The following LDB2 variants were observed in gnomAD, a reference collection of about 807,000 sequenced individuals.
The protein encoded by LDB2 is LIM domain-binding protein 2.
A neutral mutation model predicts 44.3 loss-of-function variants in LDB2; 12 were observed. That is an observed-to-expected ratio of 0.27 (90% confidence interval 0.17 to 0.44). The LOEUF is 0.44. Ranked by LOEUF, LDB2 falls within the 20% of genes least tolerant of loss-of-function variation. LDB2 has a pLI of 1.00. For synonymous variants in LDB2, 164 were observed against 174.8 expected (o/e 0.94, Z 0.49); for missense variants, 344 against 473.5 (o/e 0.73, Z 2.54).
chr4:16,708,015 T>C (rs1297086060), intron 2 of LDB2, among the ~76,000 whole-genome samples: 1 of 152,210 alleles, frequency 6.6e-6, no homozygotes, highest in Admixed American at 6.5e-5. Context: ...CACAGTGACC[T>C]TGGATGGCTC....
chr4:16,791,847 A>T (rs1270780597), intron 1 of LDB2, among the ~76,000 whole-genome samples: 1 of 152,218 alleles, frequency 6.6e-6, no homozygotes, highest in East Asian at 1.9e-4. Context: ...CAGAAACAAG[A>T]TAACTTCTGT....
chr4:16,699,708 C>G (rs565797617), intron 2 of LDB2, among the ~76,000 whole-genome samples: 23 of 151,980 alleles, frequency 1.5e-4, no homozygotes, highest in Admixed American at 1.1e-3. Flanking sequence ...AAGAAAATGC[C>G]AAAGATAGAT....
At chr4:16,864,147 A>C (rs1039587002) in intron 1 of LDB2, among the ~76,000 whole-genome samples, 3 of 152,176 alleles carry the variant, frequency 2.0e-5, no homozygotes, top group Non-Finnish European at 2.9e-5. Context: ...ACCTGCAGCA[A>C]AAACCCTTTA....
At chr4:16,691,010 A>G (rs1390030265) in intron 2 of LDB2, among the ~76,000 whole-genome samples, 1 of 152,152 alleles carries the variant, frequency 6.6e-6, no homozygotes, top group East Asian at 1.9e-4. Context: ...TTAATCATCT[A>G]TTATAGTCCA....
intron 5 of LDB2, among the ~76,000 whole-genome samples, chr4:16,523,441 A>C (rs1727027376): frequency 6.6e-6 from 1 of 152,176 alleles, no homozygotes; most frequent in South Asian, 2.1e-4. Flanking sequence ...GAAATACTTT[A>C]TGGCCTCTCT....
chr4:16,561,704 A>G (rs574759656), intron 5 of LDB2, among the ~76,000 whole-genome samples: 7 of 152,182 alleles, frequency 4.6e-5, no homozygotes. Context: ...TCTTCACAGA[A>G]TTGGAAAAAA....
intron 5 of LDB2, among the ~76,000 whole-genome samples, chr4:16,519,776 ACTT>A (rs1725283505): frequency 6.6e-6 from 1 of 151,750 alleles, no homozygotes; most frequent in South Asian, 2.1e-4. Context: ...GGATAATACT[ACTT>A]ATCTCTGACA....
intron 1 of LDB2, among the ~76,000 whole-genome samples, chr4:16,842,905 T>C (rs529198707): frequency 4.6e-5 from 7 of 152,322 alleles, no homozygotes; most frequent in African/African-American, 1.7e-4. Flanking sequence ...TGAGTAAATG[T>C]ATATTAAGCT....
chr4:16,877,019 A>G (rs1189867980), intron 1 of LDB2, among the ~76,000 whole-genome samples: 1 of 151,986 alleles, frequency 6.6e-6, no homozygotes, highest in African/African-American at 2.4e-5. Flanking sequence ...ACAATCATCG[A>G]GTCTCAGACT....
chr4:16,529,232 C>T (rs1238585300), intron 5 of LDB2, among the ~76,000 whole-genome samples: 1 of 152,118 alleles, frequency 6.6e-6, no homozygotes, highest in East Asian at 1.9e-4. Flanking sequence ...GGGCCCCAGA[C>T]CGAATCAATT....
intron 5 of LDB2, among the ~76,000 whole-genome samples, chr4:16,545,977 A>T (rs964646672): frequency 6.6e-6 from 1 of 152,242 alleles, no homozygotes; most frequent in Non-Finnish European, 1.5e-5. Context: ...AATAATTGCA[A>T]CAGGGTAAGT....
chr4:16,638,511 T>C (rs2152505500), intron 2 of LDB2, among the ~76,000 whole-genome samples: 1 of 152,290 alleles, frequency 6.6e-6, no homozygotes, highest in East Asian at 1.9e-4. Context: ...GGAATGAATA[T>C]CTCAAGCAAA....
At chr4:16,812,985 G>C (rs908523191) in intron 1 of LDB2, among the ~76,000 whole-genome samples, 12 of 151,750 alleles carry the variant, frequency 7.9e-5, no homozygotes, top group African/African-American at 2.7e-4. Context: ...AAGCAGGCGT[G>C]CCTCAGTTTA....
At chr4:16,746,045 G>C (rs1764319133) in intron 2 of LDB2, among the ~76,000 whole-genome samples, 2 of 152,092 alleles carry the variant, frequency 1.3e-5, no homozygotes, top group African/African-American at 2.4e-5. Flanking sequence ...TCCCAGGTTT[G>C]TACTGATGAT....
At chr4:16,746,347 C>T (rs73241040) in intron 2 of LDB2, among the ~76,000 whole-genome samples, 11,838 of 152,254 alleles carry the variant, frequency 0.078, 732 homozygotes, top group East Asian at 0.38. Context: ...TATAATATCA[C>T]AGCAAGAAGT....
chr4:16,583,258 T>A (rs975538414), intron 5 of LDB2, among the ~76,000 whole-genome samples: 16 of 152,242 alleles, frequency 1.1e-4, no homozygotes, highest in African/African-American at 3.6e-4. Context: ...ACACTGCATA[T>A]TGAAATTTCA....
chr4:16,693,895 A>G (rs1486577089), intron 2 of LDB2, among the ~76,000 whole-genome samples: 1 of 152,190 alleles, frequency 6.6e-6, no homozygotes, highest in Non-Finnish European at 1.5e-5. Context: ...TCTCCCTCTC[A>G]GCGAAGGAAA....
chr4:16,832,495 T>C (rs1037066552), intron 1 of LDB2, among the ~76,000 whole-genome samples: 4 of 152,244 alleles, frequency 2.6e-5, no homozygotes, highest in African/African-American at 9.6e-5. Context: ...TTTATATTCC[T>C]TAAACTGAAT....
chr4:16,734,802 G>A (rs1371250485), intron 2 of LDB2, among the ~76,000 whole-genome samples: 3 of 150,070 alleles, frequency 2.0e-5, no homozygotes, highest in Non-Finnish European at 4.4e-5. Flanking sequence ...TCCGCCTCCT[G>A]GGTTCAAGCG....
Sources: gnomAD v4.1 joint callset for allele counts (sites outside exome capture counted in the v4.1 genomes callset) on GRCh38, gnomAD v4.1.1 for gene constraint, MANE v1.5 for transcripts, NCBI Gene and HGNC (gene_info 2026-07-23, HGNC 2026-07-21) for gene names.